DCC: variants seen among roughly 807,000 people sequenced by gnomAD.
DCC encodes netrin receptor DCC.
Under a neutral mutation model 172.5 loss-of-function variants are expected in DCC, and 58 were observed. The observed-to-expected ratio is 0.34, with a 90% CI of 0.27 to 0.42. The LOEUF (loss-of-function observed/expected upper bound fraction) is 0.42. Among genes scored for constraint, DCC ranks in the 10% least tolerant of loss-of-function variants. The pLI is 1.00. For missense variants in DCC, 1,740 were observed against 1,791.0 expected (o/e 0.97, Z 0.51); for synonymous variants, 709 against 644.5 (o/e 1.10, Z -1.52).
chr18:52,716,503 G>A (rs924340138), intron 1 of DCC, among the ~76,000 whole-genome samples: 1 of 152,192 alleles, frequency 6.6e-6, no homozygotes, highest in African/African-American at 2.4e-5. Flanking sequence ...CATGTGGCTT[G>A]TGATTGAGGT....
chr18:52,885,981 A>G (rs959192923), intron 2 of DCC, among the ~76,000 whole-genome samples: 2 of 151,534 alleles, frequency 1.3e-5, no homozygotes, highest in African/African-American at 2.4e-5. Flanking sequence ...TGGCCTTACA[A>G]CTCTGCCCAG....
At chr18:53,187,311 A>G (rs1283027002) in intron 9 of DCC, among the ~76,000 whole-genome samples, 1 of 151,638 alleles carries the variant, frequency 6.6e-6, no homozygotes, top group Non-Finnish European at 1.5e-5. Flanking sequence ...TTTAGTAGAG[A>G]CGGGGTTTCA....
intron 7 of DCC, among the ~76,000 whole-genome samples, chr18:53,145,275 C>A (rs1354504045): frequency 2.0e-5 from 3 of 151,886 alleles, no homozygotes; most frequent in Non-Finnish European, 4.4e-5. Context: ...CACCACGCCC[C>A]GCTAATTGTT....
At chr18:52,598,479 A>G (rs2033952091) in intron 1 of DCC, among the ~76,000 whole-genome samples, 1 of 152,222 alleles carries the variant, frequency 6.6e-6, no homozygotes, top group African/African-American at 2.4e-5. Context: ...ATGGAGTCTC[A>G]GATGAAAGGA....
intron 27 of DCC, among the ~76,000 whole-genome samples, chr18:53,519,674 A>G (rs1026259397): frequency 6.6e-6 from 1 of 151,922 alleles, no homozygotes; most frequent in Non-Finnish European, 1.5e-5. Context: ...TTCCTTTGAC[A>G]TATGTTTCTG....
chr18:52,492,014 G>T lies in DCC; in HGVS notation c.91+151136G>T, dbSNP rs115961239. On this transcript the variant is annotated intron_variant, in intron 1 of 28. Transcript: ENST00000442544. ...CATGTCCTGGGGAAATCAGTGATTA[G>T]ATGTTAGGGGAAATATCAAGGGCCA... 4.6e-3 allele frequency among the ~76,000 whole-genome samples: 693 copies of T among 152,044 alleles called. 10 individuals are homozygous for T. The highest frequency in any genetic ancestry group is 0.016 in the African/African-American group (656 of 41,506).
rs553478013 is a variant in DCC at position 52,490,347 on chromosome 18, GT to G, written c.91+149476del. Among the ~76,000 whole-genome samples the G allele has an allele frequency of 4.6e-5, 7 of 152,090 alleles. No homozygotes were observed. In the South Asian group the frequency reaches 1.5e-3, roughly 32 times the overall value. ...ATAGCCAGAAAGCAGGTAAGAAAGT[GT>G]TTTTTTCTTTCTTATTCACTTGTTT... On this transcript the variant is annotated intron_variant, in intron 1 of 28. Coordinates refer to ENST00000442544, the MANE Select transcript of DCC (RefSeq NM_005215.4).
chr18:53,107,160 A>G (rs1191565492), intron 7 of DCC, among the ~76,000 whole-genome samples: 1 of 151,794 alleles, frequency 6.6e-6, no homozygotes. Context: ...CCCAGCCCCT[A>G]TTCAAGATGG....
chr18:52,784,011 G>C (rs2145191879), intron 2 of DCC, among the ~76,000 whole-genome samples: 1 of 151,990 alleles, frequency 6.6e-6, no homozygotes, highest in Non-Finnish European at 1.5e-5. Context: ...TAAATTACAT[G>C]TTTACTACCA....
At chr18:52,426,869 G>A (rs1411828338) in intron 1 of DCC, among the ~76,000 whole-genome samples, 2 of 152,024 alleles carry the variant, frequency 1.3e-5, no homozygotes, top group East Asian at 1.9e-4. Flanking sequence ...ATCCATTTTG[G>A]TTAAAAATAA....
intron 5 of DCC, among the ~76,000 whole-genome samples, chr18:53,052,834 T>G (rs1599073165): frequency 6.6e-6 from 1 of 152,002 alleles, no homozygotes; most frequent in Admixed American, 6.6e-5. Context: ...CAACAGTAAT[T>G]GCAACTTCTT....
chr18:52,597,873 T>A (rs1319246171), intron 1 of DCC, among the ~76,000 whole-genome samples: 2 of 152,246 alleles, frequency 1.3e-5, no homozygotes, highest in African/African-American at 4.8e-5. Context: ...TAGAGAACAG[T>A]GAAGATATTC....
chr18:53,171,365 G>T (rs2055010882), intron 8 of DCC, among the ~76,000 whole-genome samples: 2 of 152,156 alleles, frequency 1.3e-5, no homozygotes, highest in African/African-American at 4.8e-5. Flanking sequence ...CCATAGAGTT[G>T]TCTTGGAGGT....
intron 7 of DCC, among the ~76,000 whole-genome samples, chr18:53,114,252 C>CA (rs1472662275): frequency 1.3e-5 from 2 of 149,972 alleles, no homozygotes; most frequent in Non-Finnish European, 3.0e-5. Flanking sequence ...TAATGAACAC[C>CA]CCCCCCACCC....
chr18:53,024,897 T>C (rs1415421166), intron 5 of DCC, among the ~76,000 whole-genome samples: 1 of 152,154 alleles, frequency 6.6e-6, no homozygotes, highest in African/African-American at 2.4e-5. Context: ...ACTCTACCTG[T>C]GTATACCTCT....
intron 5 of DCC, among the ~76,000 whole-genome samples, chr18:53,047,067 C>T (rs2042247856): frequency 6.6e-6 from 1 of 150,702 alleles, no homozygotes; most frequent in South Asian, 2.1e-4. Context: ...ACTACAGTTT[C>T]TCTGAATTGT....
intron 23 of DCC, among the ~76,000 whole-genome samples, chr18:53,453,206 C>A (rs567562334): frequency 6.6e-6 from 1 of 152,124 alleles, no homozygotes; most frequent in Non-Finnish European, 1.5e-5. Flanking sequence ...TGAGCCACCG[C>A]GCCCGGCCCC....
intron 16 of DCC, among the ~76,000 whole-genome samples, chr18:53,387,746 A>G (rs1350768228): frequency 6.6e-6 from 1 of 152,150 alleles, no homozygotes; most frequent in African/African-American, 2.4e-5. Flanking sequence ...TGTCCTGCCT[A>G]TGGTAAAAGA....
At chr18:53,424,656 A>G (rs1030344463) in intron 21 of DCC, among the ~76,000 whole-genome samples, 1 of 152,112 alleles carries the variant, frequency 6.6e-6, no homozygotes, top group Admixed American at 6.6e-5. Context: ...AGAGTAGCTG[A>G]TCCCTTATGT....
Sources: allele counts gnomAD v4.1 joint callset (sites outside exome capture counted in the v4.1 genomes callset), GRCh38; gene constraint gnomAD v4.1.1; transcripts MANE v1.5; gene names NCBI Gene and HGNC (gene_info 2026-07-23, HGNC 2026-07-21).